The following RERE variants were observed in gnomAD, a reference collection of about 807,000 sequenced individuals.
RERE encodes arginine-glutamic acid dipeptide repeats protein.
Under a neutral mutation model 146.1 loss-of-function variants are expected in RERE, and 40 were observed. The observed-to-expected ratio is 0.27, with a 90% confidence interval of 0.21 to 0.36. The LOEUF (loss-of-function observed/expected upper bound fraction) is 0.36, where lower values mean the gene tolerates loss of function less well. Ranked by LOEUF, RERE falls within the 10% of genes least tolerant of loss-of-function variation. The pLI is 1.00. For synonymous variants in RERE, 1,003 were observed against 866.0 expected, an observed-to-expected ratio of 1.16 and a Z score of -2.78; for missense variants, 1,933 against 2,138.7, an observed-to-expected ratio of 0.90 and a Z score of 1.90.
chr1:8,796,126 G>A (rs1026381523), intron 1 of RERE, among the ~76,000 whole-genome samples: 18 of 151,636 alleles, frequency 1.2e-4, no homozygotes, highest in South Asian at 6.2e-4. Flanking sequence ...GTTATAAATA[G>A]TATTCTGCCA....
At chr1:8,687,457 C>G (rs1444021353) in intron 1 of RERE, among the ~76,000 whole-genome samples, 1 of 152,174 alleles carries the variant, frequency 6.6e-6, no homozygotes, top group Non-Finnish European at 1.5e-5. Context: ...AATGGACTTG[C>G]CCAGGAGCCT....
intron 7 of RERE, among the ~76,000 whole-genome samples, chr1:8,514,247 C>T (rs757554011): frequency 3.3e-5 from 5 of 152,330 alleles, no homozygotes; most frequent in South Asian, 2.1e-4. Flanking sequence ...CAAATGCCCA[C>T]GTCTGAATGA....
chr1:8,355,556 G>C lies in RERE; in HGVS notation c.4530C>G (p.Pro1510=), dbSNP rs778213222. 3 of 1,604,512 alleles carry C rather than the reference G, an allele frequency of 1.9e-6. No homozygotes were observed. The highest frequency in any genetic ancestry group is 2.2e-5 in the South Asian group (2 of 90,480). The change falls in exon 22 of 23, where the codon CCC becomes CCG. Residue 1510 remains proline (P), a synonymous_variant. Coordinates refer to ENST00000400908, the MANE Select transcript of RERE (RefSeq NM_001042681.2). ...PRDLPGAIPP[P]MSAAHQLQAM... ...CCTGCAGCTGGTGGGCTGCTGACATGGGGGGTGGGATGGCCCCAGGCAGGT... is the reference window on the plus strand; with the variant it reads ...CCTGCAGCTGGTGGGCTGCTGACATCGGGGGTGGGATGGCCCCAGGCAGGT...
intron 1 of RERE, among the ~76,000 whole-genome samples, chr1:8,679,819 A>C (rs552781805): frequency 1.3e-5 from 2 of 152,356 alleles, no homozygotes; most frequent in African/African-American, 4.8e-5. Flanking sequence ...TTATTTTTCA[A>C]GAATGATTGA....
At chr1:8,529,543 TC>T (rs1645615424) in intron 7 of RERE, among the ~76,000 whole-genome samples, 1 of 151,198 alleles carries the variant, frequency 6.6e-6, no homozygotes, top group South Asian at 2.1e-4. Flanking sequence ...CTCGTGATCC[TC>T]CCGCCTCGGC....
intron 12 of RERE, among the ~76,000 whole-genome samples, chr1:8,420,294 A>C (rs1397186741): frequency 6.6e-6 from 1 of 152,144 alleles, no homozygotes; most frequent in Non-Finnish European, 1.5e-5. Flanking sequence ...GTCTCATTAA[A>C]AAAGAGAGAG....
chr1:8,781,708 C>T (rs548677375), intron 1 of RERE, among the ~76,000 whole-genome samples: 1 of 150,350 alleles, frequency 6.7e-6, no homozygotes, highest in Non-Finnish European at 1.5e-5. Flanking sequence ...TGGGTAAATA[C>T]TTAGCATAAA....
intron 20 of RERE, among the ~76,000 whole-genome samples, 187 bp downstream of exon 20, chr1:8,358,009 G>C (rs962870251): frequency 2.6e-5 from 4 of 152,272 alleles, no homozygotes; most frequent in African/African-American, 9.6e-5. Context: ...AGAGCTGCGG[G>C]GCCGAGGAGA....
chr1:8,812,136 T>C (rs1641823762), intron 1 of RERE, among the ~76,000 whole-genome samples: 1 of 152,132 alleles, frequency 6.6e-6, no homozygotes, highest in Non-Finnish European at 1.5e-5. Context: ...CTAACCAAAG[T>C]CCTTAAAAGT....
intron 4 of RERE, among the ~76,000 whole-genome samples, chr1:8,589,392 A>G (rs1237650083): frequency 6.6e-6 from 1 of 152,214 alleles, no homozygotes; most frequent in African/African-American, 2.4e-5. Context: ...GTGAGTCAAG[A>G]TCAAGCCACT....
rs780566861 is a variant in RERE, at chr1:8,359,784, G to A, written c.3598C>T (p.Arg1200Cys). 9.4e-6 allele frequency: 15 copies of A among 1,600,694 alleles called. No homozygotes were observed. Among genetic ancestry groups the A allele is most frequent in the East Asian group, 2.2e-5 (1 of 44,824 alleles). The change falls in exon 19 of 23, where the codon CGC (arginine) becomes TGC (cysteine). Residue 1200 changes from arginine (R) to cysteine (C), a missense_variant. Around this residue, in one of 11 missense-constraint regions of RERE, gnomAD observed 1,255 missense variants for 1,153.8 expected, o/e 1.09. Coordinates refer to ENST00000400908, the MANE Select transcript of RERE (RefSeq NM_001042681.2). ...CTCACAGCCGCCCGCTCTGCCTCGCGCTCCCGCTCTCGCTCCCGCTCCCGC... is the reference window on the plus strand; with the variant it reads ...CTCACAGCCGCCCGCTCTGCCTCGCACTCCCGCTCTCGCTCCCGCTCCCGC... ...KERERERERE[R>C]EAERAAKASS... is the part of the protein sequence containing the mutation.
At chr1:8,411,560 T>C (rs1398624440) in intron 12 of RERE, among the ~76,000 whole-genome samples, 3 of 152,066 alleles carry the variant, frequency 2.0e-5, no homozygotes, top group Non-Finnish European at 2.9e-5. Context: ...GGCAGACACA[T>C]AAGGGAAGCC....
At chr1:8,704,538 A>G (rs1443084729) in intron 1 of RERE, among the ~76,000 whole-genome samples, 1 of 152,174 alleles carries the variant, frequency 6.6e-6, no homozygotes, top group African/African-American at 2.4e-5. Flanking sequence ...ATTATCAGGT[A>G]CTCTCTTTCC....
At chr1:8,760,860 T>TA (rs1383790819) in intron 1 of RERE, among the ~76,000 whole-genome samples, 1 of 152,186 alleles carries the variant, frequency 6.6e-6, no homozygotes, top group Non-Finnish European at 1.5e-5. Flanking sequence ...AGGGCAACAT[T>TA]AGCTACCATT....
chr1:8,618,366 T>C (rs1335163913), intron 3 of RERE, among the ~76,000 whole-genome samples: 1 of 152,186 alleles, frequency 6.6e-6, no homozygotes, highest in African/African-American at 2.4e-5. Context: ...TGGCAACTGA[T>C]GGATGGAGTA....
At chr1:8,579,360 C>T (rs1646335626) in intron 4 of RERE, among the ~76,000 whole-genome samples, 1 of 152,136 alleles carries the variant, frequency 6.6e-6, no homozygotes, top group Non-Finnish European at 1.5e-5. Context: ...AACAATATTA[C>T]CGTATTCTAT....
At chr1:8,618,139 A>G (rs1168236178) in intron 3 of RERE, among the ~76,000 whole-genome samples, 1 of 152,252 alleles carries the variant, frequency 6.6e-6, no homozygotes, top group Non-Finnish European at 1.5e-5. Context: ...CTAAGCACAC[A>G]ATATATACAT....
At chr1:8,442,894 C>G (rs1557634610) in intron 11 of RERE, among the ~76,000 whole-genome samples, 1 of 152,138 alleles carries the variant, frequency 6.6e-6, no homozygotes. Flanking sequence ...GGCACTGGAG[C>G]AAAAGTCACC....
chr1:8,806,411 A>T (rs1383325481), intron 1 of RERE, among the ~76,000 whole-genome samples: 1 of 151,696 alleles, frequency 6.6e-6, no homozygotes, highest in Non-Finnish European at 1.5e-5. Flanking sequence ...ATCGCCTGTA[A>T]CCCCAGCTCC....
Sources: allele counts gnomAD v4.1 joint callset (sites outside exome capture counted in the v4.1 genomes callset), GRCh38; gene constraint gnomAD v4.1.1; regional missense constraint gnomAD v4.1.1; transcripts MANE v1.5; gene names NCBI Gene and HGNC (gene_info 2026-07-23, HGNC 2026-07-21).